Variants in PRKAG2 observed in about 807,000 individuals in gnomAD.
The protein encoded by PRKAG2 is protein kinase AMP-activated non-catalytic subunit gamma 2.
A neutral mutation model predicts 69.6 loss-of-function variants in PRKAG2; 26 were observed. The observed-to-expected ratio is 0.37, with a 90% CI of 0.27 to 0.52. PRKAG2 has a LOEUF of 0.52. PRKAG2 is among the 20% of genes least tolerant of loss of function. PRKAG2 has a pLI of 0.90. For missense variants in PRKAG2, 557 were observed against 740.0 expected (o/e 0.75, Z 2.87); for synonymous variants, 293 against 285.0 (o/e 1.03, Z -0.28).
At chr7:151,645,287 C>T (rs546546214) in intron 4 of PRKAG2, among the ~76,000 whole-genome samples, 194 of 152,280 alleles carry the variant, frequency 1.3e-3, no homozygotes, top group Non-Finnish European at 2.1e-3. Context: ...AGCTGCCATG[C>T]GGGAGAGGCC....
intron 1 of PRKAG2, among the ~76,000 whole-genome samples, chr7:151,866,105 A>T (rs956519414): frequency 6.6e-6 from 1 of 152,218 alleles, no homozygotes; most frequent in African/African-American, 2.4e-5. Flanking sequence ...AATAACCTTC[A>T]ATGACCTTCA....
chr7:151,876,372 C>G, intron 1 of PRKAG2, 135 bp downstream of exon 1: 1 of 877,184 alleles, frequency 1.1e-6, no homozygotes, highest in Non-Finnish European at 1.9e-6. Context: ...GTCCCTCTAC[C>G]CTTTCCCCAA....
In PRKAG2 at chr7:151,814,795, C is replaced by T. The variant is rs1563722743; in HGVS notation, c.115-28254G>A. ...TGCTGCTCAAAATGCAGGCAGAGCT[C>T]GGGCAGATTCCCCCATTGACGGGAC... On this transcript the variant is annotated intron_variant, in intron 1 of 15. Transcript: ENST00000287878. This position sits in a 1 kb window ranked among gnomAD's most constrained non-coding sequence, Gnocchi z 4.8. The T allele has an allele frequency of 1.1e-5, 14 of 1,231,680 alleles. No homozygotes were observed. Among genetic ancestry groups the T allele is most frequent in the East Asian group, 9.5e-5 (3 of 31,714 alleles). 76.3% of individuals were successfully genotyped at this position (1,231,680 alleles called of 1,614,324 possible). A position where few individuals can be genotyped will look rare whatever the true frequency, so the allele number is the denominator to read the frequency against.
At chr7:151,685,535 C>T (rs776260145) in intron 3 of PRKAG2, among the ~76,000 whole-genome samples, 12 of 152,032 alleles carry the variant, frequency 7.9e-5, no homozygotes, top group East Asian at 5.8e-4. Flanking sequence ...TTTGGGAGGC[C>T]GAGAAGGGAG....
At chr7:151,708,273 T>A (rs1416904666) in intron 3 of PRKAG2, among the ~76,000 whole-genome samples, 1 of 152,166 alleles carries the variant, frequency 6.6e-6, no homozygotes, top group Non-Finnish European at 1.5e-5. Context: ...TTTGGCTTAC[T>A]AGACTCTGAA....
chr7:151,748,011 T>C (rs1369007177), intron 3 of PRKAG2, among the ~76,000 whole-genome samples: 2 of 144,036 alleles, frequency 1.4e-5, no homozygotes, highest in Middle Eastern at 3.3e-3. Flanking sequence ...AACTGCCACC[T>C]CCCAGACTCA....
In PRKAG2 at chr7:151,781,469, G is replaced by T. The variant is rs757274680; in HGVS notation, c.187-38C>A. ...AGACGAATGGATGCAGTCACTCCAC[G>T]CTCTGGACACGCTGCCTCCTGCCCT... is the stretch of plus-strand genomic sequence containing the variant. On this transcript the variant is annotated intron_variant, in intron 2 of 15. Coordinates refer to ENST00000287878, the MANE Select transcript of PRKAG2 (RefSeq NM_016203.4). This position sits in a 1 kb window ranked among gnomAD's most constrained non-coding sequence, Gnocchi z 6.1. The T allele has an allele frequency of 1.9e-6, 3 of 1,571,952 alleles. No individual in the cohort carries two copies. Among genetic ancestry groups the T allele is most frequent in the Admixed American group, 1.9e-5 (1 of 53,906 alleles).
At chr7:151,795,069 C>T (rs1213804750) in intron 1 of PRKAG2, among the ~76,000 whole-genome samples, 1 of 152,232 alleles carries the variant, frequency 6.6e-6, no homozygotes, top group East Asian at 1.9e-4. Flanking sequence ...AGGGCAGCCT[C>T]TTACAGGCAG....
intron 1 of PRKAG2, among the ~76,000 whole-genome samples, chr7:151,856,333 G>A (rs1342066874): frequency 6.6e-6 from 1 of 152,256 alleles, no homozygotes; most frequent in Non-Finnish European, 1.5e-5. Context: ...CAAGGCCCGC[G>A]CAGCCGAGGA....
At chr7:151,834,176 A>T (rs886425399) in intron 1 of PRKAG2, among the ~76,000 whole-genome samples, 4 of 152,222 alleles carry the variant, frequency 2.6e-5, no homozygotes, top group Non-Finnish European at 5.9e-5. Context: ...GACCCTGAAA[A>T]CTTAAGGACA....
chr7:151,625,626 AGT>A (rs1822651931), intron 5 of PRKAG2, among the ~76,000 whole-genome samples: 1 of 152,092 alleles, frequency 6.6e-6, no homozygotes, highest in African/African-American at 2.4e-5. Flanking sequence ...ACTGGCCGGG[AGT>A]GAGGGAGAGA....
chr7:151,800,902 C>G (rs550646764), intron 1 of PRKAG2, among the ~76,000 whole-genome samples: 9 of 152,266 alleles, frequency 5.9e-5, no homozygotes, highest in Middle Eastern at 3.4e-3. Context: ...TAATGCCAGA[C>G]GCAGACAACA....
chr7:151,610,986 C>T (rs946533087), intron 5 of PRKAG2, among the ~76,000 whole-genome samples: 5 of 152,008 alleles, frequency 3.3e-5, no homozygotes, highest in East Asian at 1.9e-4. Context: ...AACCTCTGAC[C>T]GCAGGTGATC....
intron 3 of PRKAG2, among the ~76,000 whole-genome samples, chr7:151,755,072 G>GT (rs1439415502): frequency 6.6e-6 from 1 of 152,172 alleles, no homozygotes; most frequent in Non-Finnish European, 1.5e-5. Context: ...CTGAAGCCCG[G>GT]ATGCCCCTTC....
intron 3 of PRKAG2, among the ~76,000 whole-genome samples, chr7:151,688,195 T>C (rs1454812764): frequency 6.6e-6 from 1 of 152,154 alleles, no homozygotes; most frequent in Non-Finnish European, 1.5e-5. Context: ...AAAGGCTTCC[T>C]GGCCCTGGCG....
In PRKAG2 at chr7:151,859,547, G is replaced by A. The variant is rs535510753; in HGVS notation, c.114+16960C>T. On this transcript the variant is annotated intron_variant, in intron 1 of 15. Coordinates refer to ENST00000287878, the MANE Select transcript of PRKAG2 (RefSeq NM_016203.4). The stretch of plus-strand genomic sequence containing the variant: ...GGCCATGGGATTAGCGAATAGGGAA[G>A]ACTTCCCAGGGGCGAGGACTGTGAG... Among the ~76,000 whole-genome samples the A allele has an allele frequency of 3.9e-5, 6 of 152,358 alleles. No homozygotes were observed. The East Asian group carries it at 1.2e-3, about 29-fold the overall frequency.
At chr7:151,681,019 A>G (rs1212602178) in intron 3 of PRKAG2, among the ~76,000 whole-genome samples, 1 of 152,218 alleles carries the variant, frequency 6.6e-6, no homozygotes, top group African/African-American at 2.4e-5. Context: ...AACAGTTTAA[A>G]GAGAATGCAA....
intron 1 of PRKAG2, among the ~76,000 whole-genome samples, chr7:151,811,514 G>C (rs919034577): frequency 6.6e-6 from 1 of 152,236 alleles, no homozygotes; most frequent in African/African-American, 2.4e-5. Flanking sequence ...CAGTAATTGA[G>C]GCTAGAGCTT....
At chr7:151,725,071 G>A (rs1194483284) in intron 3 of PRKAG2, among the ~76,000 whole-genome samples, 4 of 152,060 alleles carry the variant, frequency 2.6e-5, no homozygotes, top group Non-Finnish European at 4.4e-5. Flanking sequence ...GAGCGAGGTC[G>A]GCCCTGCCTC....
Sources: allele counts gnomAD v4.1 joint callset (sites outside exome capture counted in the v4.1 genomes callset), GRCh38; gene constraint gnomAD v4.1.1; non-coding constraint Gnocchi (gnomAD v3.1); transcripts MANE v1.5; gene names NCBI Gene and HGNC (gene_info 2026-07-23, HGNC 2026-07-21).